The following TEX11 variants were observed in gnomAD, a reference collection of about 807,000 sequenced individuals.
The protein encoded by TEX11 is testis expressed 11.
Under a neutral mutation model 84.4 loss-of-function variants are expected in TEX11, and 7 were observed. The ratio of observed to expected loss-of-function variants is 0.08; its 90% CI spans 0.05 to 0.16. The LOEUF (loss-of-function observed/expected upper bound fraction) is 0.16, where lower values mean the gene tolerates loss of function less well. TEX11 is among the 10% of genes least tolerant of loss of function. The probability of loss-of-function intolerance (pLI) is 1.00; values close to 1 mark genes in which losing one functional copy is unlikely to be tolerated. For missense variants in TEX11, 551 were observed against 660.5 expected (o/e 0.83, Z 1.82); for synonymous variants, 264 against 222.8 (o/e 1.18, Z -1.64).
At chrX:70,746,370 C>A in intron 9 of TEX11, among the ~76,000 whole-genome samples, 1 of 111,360 alleles carries the variant, frequency 9.0e-6, no homozygotes, top group African/African-American at 3.3e-5. Context: ...AGGATTCTAC[C>A]CCAAATGTGA....
chrX:70,889,537 G>A (rs2091726813), intron 2 of TEX11, among the ~76,000 whole-genome samples: 1 of 111,478 alleles, frequency 9.0e-6, no homozygotes, highest in African/African-American at 3.3e-5. Context: ...ACTACTCTAA[G>A]TAGAATGAAT....
chrX:70,713,765 G>T (rs1416294927), intron 13 of TEX11, among the ~76,000 whole-genome samples: 1 of 111,214 alleles, frequency 9.0e-6, no homozygotes, highest in East Asian at 2.8e-4. Context: ...TTGAGTTTTT[G>T]AAGGCTTTTT....
downstream of TEX11, among the ~76,000 whole-genome samples, chrX:70,524,535 GATACA>G (rs1472345031): frequency 3.6e-5 from 4 of 112,503 alleles, no homozygotes; most frequent in African/African-American, 1.3e-4. Context: ...ATTTATTAGT[GATACA>G]ATCAATTAGA....
intron 20 of TEX11, among the ~76,000 whole-genome samples, chrX:70,619,506 A>G (rs1328250270): frequency 9.2e-6 from 1 of 108,732 alleles, no homozygotes; most frequent in Non-Finnish European, 1.9e-5. Flanking sequence ...AATAGAAAAA[A>G]GGAGGAATAG....
chrX:70,570,237 G>A (rs1458178216), intron 25 of TEX11, among the ~76,000 whole-genome samples: 1 of 112,245 alleles, frequency 8.9e-6, no homozygotes, highest in Non-Finnish European at 1.9e-5. Flanking sequence ...CTCCTGGTGC[G>A]CCATTTTTTA....
chrX:70,763,692 A>T (rs755108627), intron 9 of TEX11, among the ~76,000 whole-genome samples: 5 of 111,680 alleles, frequency 4.5e-5, no homozygotes, highest in Non-Finnish European at 7.5e-5. Context: ...GCTGATATTT[A>T]TATCACACAA....
chrX:70,628,433 T>C (rs1385486193), intron 18 of TEX11, among the ~76,000 whole-genome samples: 1 of 111,433 alleles, frequency 9.0e-6, no homozygotes, highest in Non-Finnish European at 1.9e-5. Context: ...TAAGGTTTCC[T>C]TCCGCTGTAG....
At chrX:70,549,414 C>A (rs1303805476) in intron 28 of TEX11, among the ~76,000 whole-genome samples, 1 of 111,272 alleles carries the variant, frequency 9.0e-6, no homozygotes, top group East Asian at 2.8e-4. Context: ...TTTTGTATTG[C>A]AGCTTAGATA....
At chrX:70,599,590 T>C (rs1246120224) in intron 24 of TEX11, among the ~76,000 whole-genome samples, 3 of 109,494 alleles carry the variant, frequency 2.7e-5, no homozygotes, top group East Asian at 2.9e-4. Context: ...TACATATGTA[T>C]ACATGTGCCA....
chrX:70,570,785 T>C (rs1047401598), intron 25 of TEX11, among the ~76,000 whole-genome samples: 1 of 111,510 alleles, frequency 9.0e-6, no homozygotes, highest in African/African-American at 3.3e-5. Context: ...AGCTGTACTT[T>C]TCAAGGAATT....
At chrX:70,843,076 T>C (rs2091456916) in intron 7 of TEX11, among the ~76,000 whole-genome samples, 1 of 111,738 alleles carries the variant, frequency 8.9e-6, no homozygotes, top group Non-Finnish European at 1.9e-5. Flanking sequence ...ATAGTTTCAA[T>C]GCCATCCCCA....
intron 11 of TEX11, among the ~76,000 whole-genome samples, chrX:70,726,812 T>C (rs1278572753): frequency 9.3e-6 from 1 of 107,962 alleles, no homozygotes; most frequent in African/African-American, 3.4e-5. Flanking sequence ...ATTACAGGCA[T>C]GAGCCACCAG....
intron 25 of TEX11, among the ~76,000 whole-genome samples, chrX:70,568,054 G>T (rs113052908): frequency 0.13 from 14,341 of 110,760 alleles, 761 homozygotes; most frequent in Middle Eastern, 0.21. Flanking sequence ...CTCTTTGTAG[G>T]TCACTCAGGA....
At chrX:70,518,190 C>G in the TEX11 span, among the ~76,000 whole-genome samples, 3 of 110,985 alleles carry the variant, frequency 2.7e-5, no homozygotes, top group East Asian at 8.4e-4. Context: ...GCTCTTGCTT[C>G]TCTAGTTCTT....
chrX:70,804,922 G>A (rs1246067836), intron 9 of TEX11, among the ~76,000 whole-genome samples: 2 of 105,547 alleles, frequency 1.9e-5, no homozygotes, highest in African/African-American at 6.9e-5. Flanking sequence ...TAAACTCCAA[G>A]CTCACATCTA....
intron 11 of TEX11, among the ~76,000 whole-genome samples, chrX:70,738,883 A>G (rs747858663): frequency 9.0e-6 from 1 of 110,674 alleles, no homozygotes; most frequent in Admixed American, 9.6e-5. Context: ...CTCACTCATA[A>G]GTGGGAGTAG....
At chrX:70,831,607 G>A (rs1253038265) in intron 8 of TEX11, among the ~76,000 whole-genome samples, 2 of 111,167 alleles carry the variant, frequency 1.8e-5, no homozygotes, top group African/African-American at 3.3e-5. Flanking sequence ...CCAGCCTGGC[G>A]ACAGAGCAAT....
At chrX:70,842,974 A>C (rs1320238206) in intron 7 of TEX11, among the ~76,000 whole-genome samples, 1 of 111,870 alleles carries the variant, frequency 8.9e-6, no homozygotes, top group Non-Finnish European at 1.9e-5. Flanking sequence ...TCAGTGAAAT[A>C]AAAGAGGATA....
downstream of TEX11, among the ~76,000 whole-genome samples, chrX:70,528,739 G>C (rs1311665514): frequency 1.8e-5 from 2 of 111,534 alleles, no homozygotes; most frequent in Non-Finnish European, 3.8e-5. Flanking sequence ...CCAAATAAGA[G>C]TCTGGGATTC....
Sources: gnomAD v4.1 joint callset for allele counts (sites outside exome capture counted in the v4.1 genomes callset) on GRCh38, gnomAD v4.1.1 for gene constraint, MANE v1.5 for transcripts, NCBI Gene and HGNC (gene_info 2026-07-23, HGNC 2026-07-21) for gene names.